The following SEMA6D variants were observed in gnomAD, a reference collection of about 807,000 sequenced individuals.
SEMA6D encodes the protein semaphorin 6D.
Under a neutral mutation model 106.6 loss-of-function variants are expected in SEMA6D, and 35 were observed. That is an observed-to-expected ratio of 0.33 (90% confidence interval 0.25 to 0.44). The LOEUF (loss-of-function observed/expected upper bound fraction) is 0.44. Among genes scored for constraint, SEMA6D ranks in the 20% least tolerant of loss-of-function variants. The pLI is 1.00. For synonymous variants in SEMA6D, 499 were observed against 487.7 expected (o/e 1.02, Z -0.31); for missense variants, 1,185 against 1,345.9 (o/e 0.88, Z 1.87).
At chr15:47,443,009 G>A (rs954698842) in intron 2 of SEMA6D, among the ~76,000 whole-genome samples, 13 of 152,094 alleles carry the variant, frequency 8.5e-5, no homozygotes, top group African/African-American at 2.9e-4. Context: ...CTAACCAGGA[G>A]TAGTTTCAGA....
intron 1 of SEMA6D, among the ~76,000 whole-genome samples, chr15:47,404,327 C>T (rs1366046403): frequency 4.6e-5 from 7 of 152,154 alleles, no homozygotes; most frequent in Non-Finnish European, 7.3e-5. Flanking sequence ...GAGCCATCAT[C>T]GTGGCAGTTA....
intron 1 of SEMA6D, among the ~76,000 whole-genome samples, chr15:47,301,999 A>G (rs1413500362): frequency 3.3e-5 from 5 of 152,230 alleles, no homozygotes; most frequent in African/African-American, 1.2e-4. Flanking sequence ...AAAGTTGACA[A>G]TCACAAAAAC....
chr15:47,534,994 TG>T (rs2045106816), intron 3 of SEMA6D, among the ~76,000 whole-genome samples: 1 of 149,680 alleles, frequency 6.7e-6, no homozygotes, highest in African/African-American at 2.5e-5. Flanking sequence ...AGAACAGCTT[TG>T]GGGGCAAAAT....
intron 1 of SEMA6D, among the ~76,000 whole-genome samples, chr15:47,298,323 G>T (rs576102858): frequency 6.6e-6 from 1 of 151,424 alleles, no homozygotes; most frequent in Non-Finnish European, 1.5e-5. Flanking sequence ...GACAAAACAG[G>T]TTTGTTGTCT....
chr15:47,278,025 G>C (rs1441803289), intron 1 of SEMA6D, among the ~76,000 whole-genome samples: 2 of 151,888 alleles, frequency 1.3e-5, no homozygotes, highest in African/African-American at 4.8e-5. Context: ...TTGGACATTT[G>C]GGTTGGTTCC....
intron 3 of SEMA6D, among the ~76,000 whole-genome samples, chr15:47,475,762 A>T (rs1466070292): frequency 1.3e-5 from 2 of 152,216 alleles, no homozygotes; most frequent in Admixed American, 6.5e-5. Context: ...AATCAGTTTT[A>T]TCTGTAAATT....
intron 4 of SEMA6D, among the ~76,000 whole-genome samples, chr15:47,692,460 C>T (rs12906548): frequency 0.25 from 38,589 of 152,026 alleles, 5,082 homozygotes; most frequent in South Asian, 0.3. Flanking sequence ...TTGCTGATTG[C>T]ACAATTTGCT....
intron 4 of SEMA6D, among the ~76,000 whole-genome samples, chr15:47,603,612 G>GT (rs1234784971): frequency 6.6e-6 from 1 of 152,006 alleles, no homozygotes; most frequent in Non-Finnish European, 1.5e-5. Context: ...TAATTTCATT[G>GT]TGCGTGTCTA....
chr15:47,353,550 A>C (rs971351323), intron 1 of SEMA6D, among the ~76,000 whole-genome samples: 3 of 152,204 alleles, frequency 2.0e-5, no homozygotes, highest in African/African-American at 7.2e-5. Context: ...CTATGATTTC[A>C]TCCAGACGAA....
intron 4 of SEMA6D, among the ~76,000 whole-genome samples, chr15:47,710,996 T>C (rs1256038289): frequency 1.3e-5 from 2 of 152,154 alleles, no homozygotes; most frequent in Non-Finnish European, 2.9e-5. Flanking sequence ...AACCTACTGA[T>C]AAGAAAGTTT....
intron 3 of SEMA6D, among the ~76,000 whole-genome samples, chr15:47,552,845 T>A (rs1220606783): frequency 2.5e-3 from 199 of 78,292 alleles, no homozygotes; most frequent in East Asian, 5.4e-3. Context: ...TATATATAAA[T>A]ATATATAAAT....
chr15:47,396,688 A>G (rs1032796037), intron 1 of SEMA6D: 1 of 152,180 alleles, frequency 6.6e-6, no homozygotes, highest in Non-Finnish European at 1.5e-5. Context: ...TTGAGGGTGG[A>G]TCTGCAGCTC....
At chr15:47,332,953 A>G (rs1440852477) in intron 1 of SEMA6D, among the ~76,000 whole-genome samples, 1 of 152,196 alleles carries the variant, frequency 6.6e-6, no homozygotes, top group Non-Finnish European at 1.5e-5. Flanking sequence ...CCATCTATGG[A>G]GCTGGAAAGA....
chr15:47,748,079 T>C (rs1412431897), intron 1 of SEMA6D, among the ~76,000 whole-genome samples: 1 of 152,228 alleles, frequency 6.6e-6, no homozygotes, highest in East Asian at 1.9e-4. Context: ...TTGGCCTGTG[T>C]TGCCCATTTC....
Position 47,540,678 on chromosome 15 carries a change from A to T in SEMA6D, c.-86-60187A>T, listed in dbSNP as rs935950165. 3.3e-5 allele frequency among the ~76,000 whole-genome samples: 5 copies of T among 152,284 alleles called. 1 individual carries two copies. The highest frequency in any genetic ancestry group is 3.3e-4 in the Admixed American group (5 of 15,288). On this transcript the variant is annotated intron_variant, in intron 3 of 19. Transcript: ENST00000558014. ...CCTCAGGGAGTGCACCATCTCATTG[A>T]AAAGCAATATGATGAATCTTAAAAT...
At chr15:47,314,287 T>C (rs535671880) in intron 1 of SEMA6D, among the ~76,000 whole-genome samples, 1 of 152,220 alleles carries the variant, frequency 6.6e-6, no homozygotes, top group Non-Finnish European at 1.5e-5. Context: ...GAGTTGCATG[T>C]TTTCCTATTA....
At chr15:47,422,617 C>T (rs1414507717) in intron 2 of SEMA6D, among the ~76,000 whole-genome samples, 1 of 151,960 alleles carries the variant, frequency 6.6e-6, no homozygotes, top group African/African-American at 2.4e-5. Flanking sequence ...ATTCCCCTCC[C>T]CTTTCAATTA....
At chr15:47,227,965 T>TATATATATTTTTATATGTAAGAATC (rs1184942049) in intron 1 of SEMA6D, among the ~76,000 whole-genome samples, 7 of 142,724 alleles carry the variant, frequency 4.9e-5, no homozygotes, top group Non-Finnish European at 7.7e-5. Context: ...GTAAGAATCT[T>TATATATATTTTTATATGTAAGAATC]ATATATATTT....
intron 3 of SEMA6D, among the ~76,000 whole-genome samples, chr15:47,520,082 G>A (rs181960261): frequency 3.9e-5 from 6 of 152,098 alleles, no homozygotes; most frequent in Non-Finnish European, 7.4e-5. Flanking sequence ...AAAAATGATC[G>A]ACAGAATCCT....
Sources: allele counts gnomAD v4.1 joint callset (sites outside exome capture counted in the v4.1 genomes callset), GRCh38; gene constraint gnomAD v4.1.1; transcripts MANE v1.5; gene names NCBI Gene and HGNC (gene_info 2026-07-23, HGNC 2026-07-21).